Variants in RRBP1 observed in about 807,000 individuals in gnomAD.
The protein encoded by RRBP1 is ribosome binding protein 1.
RRBP1 carries 94 observed loss-of-function variants against 165.2 expected under a neutral mutation model. That is an observed-to-expected ratio of 0.57 (90% CI 0.48 to 0.68). The LOEUF is 0.68. Ranked by LOEUF, RRBP1 falls within the 30% of genes least tolerant of loss-of-function variation. RRBP1 has a pLI of 0.00. For synonymous variants in RRBP1, 680 were observed against 714.5 expected, an observed-to-expected ratio of 0.95 and a Z score of 0.77; for missense variants, 1,676 against 1,763.0, an observed-to-expected ratio of 0.95 and a Z score of 0.88.
chr20:17,669,754 G>A (rs1286530256), intron 2 of RRBP1, among the ~76,000 whole-genome samples: 1 of 152,034 alleles, frequency 6.6e-6, no homozygotes, highest in African/African-American at 2.4e-5. Context: ...TTTTCTGCTT[G>A]TTGCTGGTAT....
chr20:17,635,670 A>C lies in RRBP1; in HGVS notation c.2338-6T>G. ...TGCTCCTGAAGAGTCCGGATCTGGA[A>C]AGTCACGGGCAAGGGCATCAGAGGC... On this transcript the variant is annotated splice_polypyrimidine_tract_variant and splice_region_variant and intron_variant, in intron 6 of 24. Transcript: ENST00000377813. The C allele has an allele frequency of 6.2e-7, 1 of 1,611,458 alleles. No individual in the cohort carries two copies. The highest frequency in any genetic ancestry group is 8.5e-7 in the Non-Finnish European group (1 of 1,178,402).
chr20:17,625,456 G>T (rs371583536), intron 12 of RRBP1, 56 bp downstream of exon 12: 1,029 of 1,505,304 alleles, frequency 6.8e-4, no homozygotes, highest in Middle Eastern at 1.6e-3. Flanking sequence ...AACCTTTCCC[G>T]GCCCCACCTG....
In RRBP1 at chr20:17,620,228, C is replaced by T; in HGVS notation, c.3579+71G>A. 5 of 1,099,386 alleles carry T rather than the reference C, an allele frequency of 4.5e-6. No individual in the cohort carries two copies. In the South Asian group the frequency reaches 6.3e-5, roughly 14 times the overall value. The allele number at this position is 1,099,386 out of a possible 1,614,324, so 68.1% of individuals were successfully genotyped here. ...CATGAGGAAGAAATCAGTGAAGTGT[C>T]CTCTGCATTAACGTCACTTTCAAAG... On this transcript the variant is annotated intron_variant, in intron 18 of 24. Coordinates refer to ENST00000377813, the MANE Select transcript of RRBP1 (RefSeq NM_001365613.2).
At chr20:17,635,786 C>G (rs371504196) in intron 6 of RRBP1, 122 bp from the exon 7 acceptor site, 26 of 764,194 alleles carry the variant, frequency 3.4e-5, no homozygotes, top group Non-Finnish European at 4.8e-5. Flanking sequence ...TCCACCTTTT[C>G]CACGTGGAAG....
chr20:17,616,095 G>T, intron 21 of RRBP1, 86 bp from the exon 22 acceptor site: 2 of 1,058,198 alleles, frequency 1.9e-6, no homozygotes, highest in Admixed American at 2.3e-5. Context: ...CCGCTCTCTA[G>T]CTGCTTCTAG....
At chr20:17,628,432 C>T (rs2036076051) in intron 9 of RRBP1, among the ~76,000 whole-genome samples, 1 of 152,216 alleles carries the variant, frequency 6.6e-6, no homozygotes, top group African/African-American at 2.4e-5. Context: ...TGGGCCCTGC[C>T]CTGTTGCCTT....
chr20:17,664,958 A>T (rs2036840470), intron 2 of RRBP1, among the ~76,000 whole-genome samples: 1 of 152,236 alleles, frequency 6.6e-6, no homozygotes, highest in East Asian at 1.9e-4. Flanking sequence ...AATTTTTAAA[A>T]TATTATGAAA....
chr20:17,643,141 G>T lies in RRBP1; in HGVS notation c.1913-14C>A. The stretch of plus-strand genomic sequence containing the variant: ...CATCTGGGGGCCCTGTGCAGCAAGA[G>T]GGAAAGAGCTGAGACTTAGGCCCAT... On this transcript the variant is annotated splice_polypyrimidine_tract_variant and intron_variant, in intron 3 of 24. Coordinates refer to ENST00000377813, the MANE Select transcript of RRBP1 (RefSeq NM_001365613.2). The surrounding 1 kb of genome is among the most constrained non-coding windows in gnomAD (Gnocchi z 4.3). 1 of 1,612,774 alleles carries T rather than the reference G, an allele frequency of 6.2e-7. No individual in the cohort carries two copies. The highest frequency in any genetic ancestry group is 1.1e-5 in the South Asian group (1 of 91,024).
intron 8 of RRBP1, among the ~76,000 whole-genome samples, chr20:17,633,055 G>A (rs1359808763): frequency 6.6e-6 from 1 of 152,202 alleles, no homozygotes; most frequent in African/African-American, 2.4e-5. Context: ...CGGCTCCAGA[G>A]CGAGACTTGG....
intron 2 of RRBP1, among the ~76,000 whole-genome samples, chr20:17,665,120 G>GA (rs985496621): frequency 3.3e-4 from 50 of 151,694 alleles, no homozygotes; most frequent in Admixed American, 6.6e-4. Context: ...GTGGGGGGGG[G>GA]ACACACACAC....
At chr20:17,662,604 T>C (rs539536380) in intron 2 of RRBP1, among the ~76,000 whole-genome samples, 22 of 152,136 alleles carry the variant, frequency 1.4e-4, no homozygotes, top group Admixed American at 3.9e-4. Context: ...GACAGTGTGA[T>C]CCACAGCCAG....
In RRBP1 at chr20:17,631,744, C is replaced by A. The variant is rs552177374; in HGVS notation, c.2610+1716G>T. Reference sequence around the variant, plus strand: ...ACAGGCAATGAGGGGCAGGGCACCTCCCTGATGCCAGTGCTCCAGGACCGA... The same window carrying A: ...ACAGGCAATGAGGGGCAGGGCACCTACCTGATGCCAGTGCTCCAGGACCGA... On this transcript the variant is annotated intron_variant, in intron 8 of 24. Transcript: ENST00000377813. Among the ~76,000 whole-genome samples, 24 of 152,362 alleles carry A rather than the reference C, an allele frequency of 1.6e-4. No homozygotes were observed. In the South Asian group the frequency reaches 3.5e-3, roughly 22 times the overall value.
At chr20:17,650,042 T>C (rs2036528269) in intron 3 of RRBP1, among the ~76,000 whole-genome samples, 1 of 152,010 alleles carries the variant, frequency 6.6e-6, no homozygotes, top group African/African-American at 2.4e-5. Flanking sequence ...TCCTTGCTGC[T>C]CCTCAGAGGA....
At chr20:17,654,247 A>T (rs1400166216) in intron 3 of RRBP1, among the ~76,000 whole-genome samples, 3 of 152,136 alleles carry the variant, frequency 2.0e-5, no homozygotes, top group Non-Finnish European at 4.4e-5. Context: ...CTACATCCTG[A>T]GTGTGACCCC....
At chr20:17,627,941 G>C (rs945154646) in intron 9 of RRBP1, among the ~76,000 whole-genome samples, 2 of 152,190 alleles carry the variant, frequency 1.3e-5, no homozygotes, top group Admixed American at 1.3e-4. Context: ...ATGAGAAAAT[G>C]ATAGAGAGTG....
intron 19 of RRBP1, 115 bp from the exon 20 acceptor site, chr20:17,618,794 TGAG>T (rs2035852136): frequency 3.9e-6 from 3 of 772,594 alleles, no homozygotes; most frequent in East Asian, 5.3e-5. Context: ...ACCAAAACCC[TGAG>T]GAGGGTCACA....
intron 3 of RRBP1, among the ~76,000 whole-genome samples, chr20:17,653,350 C>T (rs954826792): frequency 1.3e-4 from 20 of 152,360 alleles, no homozygotes; most frequent in African/African-American, 3.1e-4. Flanking sequence ...TTCTTGCACA[C>T]GCCACCTGGC....
intron 9 of RRBP1, among the ~76,000 whole-genome samples, chr20:17,627,964 A>G (rs1374550149): frequency 6.6e-6 from 1 of 152,208 alleles, no homozygotes; most frequent in African/African-American, 2.4e-5. Context: ...AACGGACTCC[A>G]GCTGAGGCTT....
At chr20:17,618,047 T>A (rs1320220742) in intron 20 of RRBP1, among the ~76,000 whole-genome samples, 2 of 147,856 alleles carry the variant, frequency 1.4e-5, no homozygotes, top group Non-Finnish European at 3.0e-5. Flanking sequence ...TCCAGTGGTC[T>A]GCCAAGGGGG....
Sources: gnomAD v4.1 joint callset for allele counts (sites outside exome capture counted in the v4.1 genomes callset) on GRCh38, gnomAD v4.1.1 for gene constraint, Gnocchi (gnomAD v3.1) non-coding constraint, MANE v1.5 for transcripts, NCBI Gene and HGNC (gene_info 2026-07-23, HGNC 2026-07-21) for gene names.